UFD1: variants seen among roughly 807,000 people sequenced by gnomAD.
UFD1 encodes ubiquitin recognition factor in ER associated degradation 1, also known as ubiquitin recognition factor in ER-associated degradation protein 1.
In UFD1, 13 loss-of-function variants were observed where a neutral mutation model predicts 45.9. The ratio of observed to expected loss-of-function variants is 0.28; its 90% CI spans 0.18 to 0.45. UFD1 has a LOEUF of 0.45. UFD1 is among the 20% of genes least tolerant of loss of function. The pLI is 1.00. For missense variants in UFD1, 218 were observed against 389.2 expected (o/e 0.56, Z 3.70); for synonymous variants, 128 against 139.2 (o/e 0.92, Z 0.56).
intron 11 of UFD1, chr22:19,454,400 CA>C: frequency 2.3e-6 from 2 of 855,926 alleles, no homozygotes; most frequent in African/African-American, 1.8e-5. Context: ...GTAACTGAGT[CA>C]TGAGGGCGGG....
chr22:19,476,625 C>A (rs1018906165), intron 1 of UFD1, among the ~76,000 whole-genome samples: 1 of 136,610 alleles, frequency 7.3e-6, no homozygotes, highest in Non-Finnish European at 1.5e-5. Flanking sequence ...CCAGTGGACG[C>A]CTGAAACCAC....
intron 4 of UFD1, among the ~76,000 whole-genome samples, chr22:19,468,309 A>G (rs535049004): frequency 8.3e-4 from 126 of 152,156 alleles, no homozygotes; most frequent in Middle Eastern, 3.4e-3. Flanking sequence ...TGGAATAGTC[A>G]CTCACTGTAC....
At position 19,470,832 on chromosome 22, in the gene UFD1, G is replaced by A. The variant is rs776894200; in HGVS notation, c.291+855C>T. 14 of 464,422 alleles carry A rather than the reference G, an allele frequency of 3.0e-5. No individual in the cohort carries two copies. The East Asian group carries it at 8.5e-4, about 28-fold the overall frequency. The allele number at this position is 464,422 out of a possible 1,614,324, so 28.8% of individuals were successfully genotyped here. A position where few individuals can be genotyped will look rare whatever the true frequency, so the allele number is the denominator to read the frequency against. ...GGCCACCATGATAGGGCATCAGCAG[G>A]AGAGGTGGGCTGTGCTTCAGACCAC... On this transcript the variant is annotated intron_variant, in intron 4 of 11. Transcript: ENST00000263202.
chr22:19,472,023 A>C (rs1281305531), intron 3 of UFD1, among the ~76,000 whole-genome samples: 1 of 152,230 alleles, frequency 6.6e-6, no homozygotes, highest in Admixed American at 6.5e-5. Context: ...GATTTTCTGA[A>C]GTCAACATTT....
intron 6 of UFD1, among the ~76,000 whole-genome samples, chr22:19,462,815 TC>T (rs2089777267): frequency 6.6e-6 from 1 of 152,244 alleles, no homozygotes; most frequent in Non-Finnish European, 1.5e-5. Flanking sequence ...TATTCCCTAT[TC>T]CTTCTTGCTT....
chr22:19,464,628 G>C (rs1187584096), intron 6 of UFD1, among the ~76,000 whole-genome samples: 3 of 152,258 alleles, frequency 2.0e-5, no homozygotes, highest in African/African-American at 7.2e-5. Context: ...TGAGAGACTT[G>C]TGTCAGAAAG....
chr22:19,454,574 T>A, intron 11 of UFD1, 175 bp downstream of exon 11: 1 of 1,367,196 alleles, frequency 7.3e-7, no homozygotes, highest in Admixed American at 2.5e-5. Flanking sequence ...CCATGTGAAC[T>A]GTAAGTCCAT....
Position 19,455,711 on chromosome 22 carries a change from G to T in UFD1, c.736C>A (p.Pro246Thr), listed in dbSNP as rs750388162. ...DGKKKGVEPS[P>T]SPIKPGDIKR... Reference sequence around the variant, plus strand: ...ATATCTCCAGGCTTGATTGGGGAGGGGCTGGGCTCTACCCCTTTCTTCTTT... The same window carrying T: ...ATATCTCCAGGCTTGATTGGGGAGGTGCTGGGCTCTACCCCTTTCTTCTTT... The change falls in exon 10 of 12, where the codon CCC (proline) becomes ACC (threonine). Residue 246 changes from proline to threonine, a missense_variant. By Grantham distance (38) the Pro-to-Thr change is conservative. Around this residue, in one of 2 missense-constraint regions of UFD1, gnomAD observed 69 missense variants for 81.7 expected, o/e 0.84. Coordinates refer to ENST00000263202, the MANE Select transcript of UFD1 (RefSeq NM_005659.7). The T allele has an allele frequency of 9.0e-5, 146 of 1,613,974 alleles. No homozygotes were observed. Among genetic ancestry groups the T allele is most frequent in the Non-Finnish European group, 1.2e-4 (141 of 1,179,988 alleles).
chr22:19,455,851 T>G, intron 9 of UFD1, 83 bp from the exon 10 acceptor site: 1 of 1,338,330 alleles, frequency 7.5e-7, no homozygotes, highest in Non-Finnish European at 1.1e-6. Context: ...TGCAGGGATG[T>G]GAGCTGGGGG....
At chr22:19,450,795 A>G in intron 11 of UFD1, 51 bp from the exon 12 acceptor site, 1 of 1,613,454 alleles carries the variant, frequency 6.2e-7, no homozygotes, top group Non-Finnish European at 8.5e-7. Flanking sequence ...GAGGTTTACA[A>G]TAAATGCCTT....
intron 8 of UFD1, 67 bp from the exon 9 acceptor site, chr22:19,456,701 C>T: frequency 2.5e-6 from 4 of 1,613,262 alleles, no homozygotes; most frequent in Non-Finnish European, 3.4e-6. Context: ...CTCACCCCCA[C>T]CCCCGGCTAG....
At chr22:19,465,047 A>G in intron 6 of UFD1, 155 bp downstream of exon 6, 1 of 677,352 alleles carries the variant, frequency 1.5e-6, no homozygotes, top group Non-Finnish European at 2.5e-6. Flanking sequence ...TAGGGCTCTA[A>G]ATATGAACCC....
At chr22:19,460,900 C>T (rs1035303886) in intron 6 of UFD1, among the ~76,000 whole-genome samples, 24 of 152,016 alleles carry the variant, frequency 1.6e-4, no homozygotes, top group African/African-American at 2.4e-4. Context: ...CATGCCACTA[C>T]GCCCAGCTAA....
chr22:19,478,321 G>A (rs2089906636), intron 1 of UFD1, among the ~76,000 whole-genome samples: 2 of 152,130 alleles, frequency 1.3e-5, no homozygotes, highest in African/African-American at 4.8e-5. Flanking sequence ...ATCATTCCTT[G>A]TCTTTACTAA....
At chr22:19,453,325 C>T in intron 11 of UFD1, 1 of 985,504 alleles carries the variant, frequency 1.0e-6, no homozygotes. Context: ...GTCTTTCTTA[C>T]CTCATGACCT....
chr22:19,465,541 C>T (rs1601895430), intron 5 of UFD1: 2 of 435,658 alleles, frequency 4.6e-6, no homozygotes, highest in Non-Finnish European at 8.5e-6. Flanking sequence ...AGTGAGATTC[C>T]ATCCACATGG....
At chr22:19,460,235 G>A (rs5748215) in intron 6 of UFD1, among the ~76,000 whole-genome samples, 133,218 of 152,202 alleles carry the variant, frequency 0.88, 58,564 homozygotes, top group African/African-American at 0.96. Flanking sequence ...TCATTTTGCT[G>A]TGTTAATGAC....
chr22:19,451,494 G>C, intron 11 of UFD1: 2 of 985,408 alleles, frequency 2.0e-6, no homozygotes, highest in Non-Finnish European at 2.4e-6. Flanking sequence ...TCAGCAGAAA[G>C]AGGGATTGTT....
At chr22:19,475,284 T>C (rs1381777399) in intron 2 of UFD1, among the ~76,000 whole-genome samples, 184 bp from the exon 3 acceptor site, 1 of 152,168 alleles carries the variant, frequency 6.6e-6, no homozygotes, top group African/African-American at 2.4e-5. Flanking sequence ...TGAATGGTTA[T>C]CAGCCATAAA....
Sources: allele counts gnomAD v4.1 joint callset (sites outside exome capture counted in the v4.1 genomes callset), GRCh38; gene constraint gnomAD v4.1.1; regional missense constraint gnomAD v4.1.1; transcripts MANE v1.5; gene names NCBI Gene and HGNC (gene_info 2026-07-23, HGNC 2026-07-21).